Variants in HEATR5B observed in about 807,000 individuals in gnomAD.
The protein encoded by HEATR5B is HEAT repeat-containing protein 5B.
Under a neutral mutation model 224.1 loss-of-function variants are expected in HEATR5B, and 156 were observed. The ratio of observed to expected loss-of-function variants is 0.70; its 90% CI spans 0.61 to 0.80. The LOEUF is 0.80. HEATR5B is among the 30% of genes least tolerant of loss of function. The pLI is 0.00. For missense variants in HEATR5B, 2,323 were observed against 2,535.5 expected, an observed-to-expected ratio of 0.92 and a Z score of 1.80; for synonymous variants, 1,027 against 893.0, an observed-to-expected ratio of 1.15 and a Z score of -2.68.
At position 37,066,882 on chromosome 2, in the gene HEATR5B, T is replaced by C. The variant is rs1307902940; in HGVS notation, c.1178-972A>G. Among the ~76,000 whole-genome samples the C allele has an allele frequency of 4.0e-5, 6 of 151,544 alleles. No homozygotes were observed. In the East Asian group the frequency reaches 9.6e-4, roughly 24 times the overall value. Reference sequence around the variant, plus strand: ...AATTGAAGACTATAATTAAATTTTTTTTTTTGAGACAGAGTCTTGCTCTGT... The same window carrying C: ...AATTGAAGACTATAATTAAATTTTTCTTTTTGAGACAGAGTCTTGCTCTGT... On this transcript the variant is annotated intron_variant, in intron 8 of 35. Coordinates refer to ENST00000233099, the MANE Select transcript of HEATR5B (RefSeq NM_019024.3).
Position 37,049,679 on chromosome 2 carries a change from A to G in HEATR5B, c.2670T>C (p.Ala890=), listed in dbSNP as rs533368287. The G allele has an allele frequency of 6.2e-7, 1 of 1,613,980 alleles. No individual in the cohort carries two copies. Among genetic ancestry groups the G allele is most frequent in the East Asian group, 2.2e-5 (1 of 44,862 alleles). The change falls in exon 18 of 36, where the codon GCT becomes GCC. Residue 890 remains alanine, a synonymous_variant. Transcript: ENST00000233099. The part of the protein sequence containing the change: ...AQVVGEATFI[A]RMAQYSFDKL... ...TGTCAAAGCTATATTGGGCCATTCT[A>G]GCAATAAAAGTTGCTTCTCCAACCA...
At chr2:37,069,573 T>C (rs1671783955) in intron 7 of HEATR5B, among the ~76,000 whole-genome samples, 1 of 152,176 alleles carries the variant, frequency 6.6e-6, no homozygotes, top group Non-Finnish European at 1.5e-5. Context: ...TACAGGGTTG[T>C]TGGAGAATAT....
chr2:37,029,638 T>C (rs1668994917), intron 22 of HEATR5B, among the ~76,000 whole-genome samples: 3 of 151,592 alleles, frequency 2.0e-5, no homozygotes, highest in African/African-American at 7.3e-5. Flanking sequence ...CACTCCAGCC[T>C]GGACCACAAG....
At chr2:37,000,530 A>G in intron 33 of HEATR5B, 56 bp downstream of exon 33, 1 of 1,361,706 alleles carries the variant, frequency 7.3e-7, no homozygotes, top group South Asian at 1.2e-5. Flanking sequence ...CAACTAATTC[A>G]TTACTTAGGG....
At position 37,064,940 on chromosome 2, in the gene HEATR5B, G is replaced by A. The variant is rs1671501634; in HGVS notation, c.1384C>T (p.Arg462Ter). 1.9e-6 allele frequency: 3 copies of A among 1,613,986 alleles called. No individual in the cohort carries two copies. The highest frequency in any genetic ancestry group is 2.5e-6 in the Non-Finnish European group (3 of 1,179,938). Residue 462 changes from arginine to a stop codon, truncating the protein, a stop_gained, in exon 10 of 36, where the codon CGA becomes TGA. Coordinates refer to ENST00000233099, the MANE Select transcript of HEATR5B (RefSeq NM_019024.3). LOFTEE classifies it high-confidence loss of function. ...SVLLHPSMAA[R>*]LAAAWCLRCV... ...CGCAAACACCATGCAGCAGCAAGTC[G>A]GGCAGCCATGCTTGGATGAAGCAGC... is the stretch of plus-strand genomic sequence containing the variant.
intron 10 of HEATR5B, among the ~76,000 whole-genome samples, chr2:37,063,215 G>A (rs774353449): frequency 5.9e-5 from 9 of 152,060 alleles, no homozygotes; most frequent in South Asian, 2.1e-4. Flanking sequence ...CACTGTTCTC[G>A]GTACTTTGCT....
At chr2:37,011,054 T>C (rs1463426295) in intron 27 of HEATR5B, among the ~76,000 whole-genome samples, 1 of 152,250 alleles carries the variant, frequency 6.6e-6, no homozygotes, top group African/African-American at 2.4e-5. Context: ...AAAGATAATC[T>C]TTTTAATGCT....
In HEATR5B at chr2:37,056,147, T is replaced by C. The variant is rs141050492; in HGVS notation, c.2399+293A>G. On this transcript the variant is annotated intron_variant, in intron 16 of 35. Coordinates refer to ENST00000233099, the MANE Select transcript of HEATR5B (RefSeq NM_019024.3). Reference sequence around the variant, plus strand: ...ATGCATTTTTTTTTTTGCCAACAGTTGTCATTCTAGCATATATAATGAAAA... The same window carrying C: ...ATGCATTTTTTTTTTTGCCAACAGTCGTCATTCTAGCATATATAATGAAAA... 4.6e-3 allele frequency among the ~76,000 whole-genome samples: 696 copies of C among 152,250 alleles called. 3 individuals are homozygous for C. Among genetic ancestry groups the C allele is most frequent in the African/African-American group, 0.015 (630 of 41,554 alleles).
At chr2:37,078,121 G>C (rs1403754465) in intron 3 of HEATR5B, among the ~76,000 whole-genome samples, 1 of 152,202 alleles carries the variant, frequency 6.6e-6, no homozygotes, top group Non-Finnish European at 1.5e-5. Flanking sequence ...GTTGGATCTT[G>C]GAAGTGGGCA....
Position 37,083,437 on chromosome 2 carries a change from C to T in HEATR5B, c.-22-1G>A. The T allele has an allele frequency of 2.5e-6, 4 of 1,599,724 alleles. No individual in the cohort carries two copies. Among genetic ancestry groups the T allele is most frequent in the Non-Finnish European group, 3.4e-6 (4 of 1,169,682 alleles). On this transcript the variant is annotated splice_acceptor_variant, in intron 1 of 35. Coordinates refer to ENST00000233099, the MANE Select transcript of HEATR5B (RefSeq NM_019024.3). LOFTEE classifies it low-confidence loss of function (5UTR_SPLICE). The stretch of plus-strand genomic sequence containing the variant: ...CATTACGGAAGTTTGAAATTCACAC[C>T]TTAAATTTAACAGAGTAAAAAATAC...
chr2:37,068,926 T>C lies in HEATR5B; in HGVS notation c.932A>G (p.Tyr311Cys), dbSNP rs1423130814. The change falls in exon 8 of 36, where the codon TAT becomes TGT. Residue 311 changes from tyrosine (Y) to cysteine (C), a missense_variant. Transcript: ENST00000233099. ...REVRVGVTQA[Y>C]VVFVTTLGGQ... Reference sequence around the variant, plus strand: ...ACCCAATGTTGTCACAAAAACAACATACGCCTGTAAAAAGAGGAAGGTACG... The same window carrying C: ...ACCCAATGTTGTCACAAAAACAACACACGCCTGTAAAAAGAGGAAGGTACG... 3 of 1,610,454 alleles carry C rather than the reference T, an allele frequency of 1.9e-6. No individual in the cohort carries two copies. The highest frequency in any genetic ancestry group is 2.2e-5 in the East Asian group (1 of 44,770).
chr2:37,007,905 G>A (rs951091228), intron 28 of HEATR5B, among the ~76,000 whole-genome samples: 3 of 152,088 alleles, frequency 2.0e-5, no homozygotes, highest in African/African-American at 4.8e-5. Flanking sequence ...GTTGCCAGTG[G>A]CTCCTAAAAC....
chr2:37,068,113 AT>A (rs1358923209), intron 8 of HEATR5B, among the ~76,000 whole-genome samples: 5 of 152,182 alleles, frequency 3.3e-5, no homozygotes, highest in African/African-American at 1.2e-4. Flanking sequence ...ACTTTATCTC[AT>A]TCATTATTTA....
At chr2:36,992,331 A>T (rs1666386108) in intron 33 of HEATR5B, among the ~76,000 whole-genome samples, 1 of 152,228 alleles carries the variant, frequency 6.6e-6, no homozygotes, top group African/African-American at 2.4e-5. Flanking sequence ...CTGTAATCCC[A>T]GCACTTTGGG....
intron 21 of HEATR5B, among the ~76,000 whole-genome samples, chr2:37,033,654 T>C (rs1366447699): frequency 1.3e-5 from 2 of 152,162 alleles, no homozygotes; most frequent in African/African-American, 4.8e-5. Context: ...AAGTATAAGA[T>C]GCAACATGGC....
At position 37,038,920 on chromosome 2, in the gene HEATR5B, G is replaced by GGGGGGAA. The variant is rs58707175; in HGVS notation, c.3047-897_3047-896insTTCCCCC. Reference sequence around the variant, plus strand: ...GTCTCCCTGGGGTGGGGGGGGTGGGGAATCACATATTTTTCAATTTCTAGC... The same window carrying GGGGGGAA: ...GTCTCCCTGGGGTGGGGGGGGTGGGGGGGGGAAAATCACATATTTTTCAATTTCTAGC... On this transcript the variant is annotated intron_variant, in intron 20 of 35. Transcript: ENST00000233099. Among the ~76,000 whole-genome samples, 2 of 124,590 alleles carry GGGGGGAA rather than the reference G, an allele frequency of 1.6e-5. 1 individual carries two copies. Among genetic ancestry groups the GGGGGGAA allele is most frequent in the Non-Finnish European group, 3.4e-5 (2 of 58,538 alleles). The allele number at this position is 124,590 out of a possible 152,430, so 81.7% of individuals were successfully genotyped here. A position where few individuals can be genotyped will look rare whatever the true frequency, so the allele number is the denominator to read the frequency against.
intron 15 of HEATR5B, 130 bp downstream of exon 15, chr2:37,057,187 C>CT (rs1410776368): frequency 1.7e-6 from 1 of 598,252 alleles, no homozygotes; most frequent in East Asian, 3.4e-5. Flanking sequence ...AGGATGCCAT[C>CT]TTTAAGTGTC....
At chr2:37,067,814 G>C (rs2148579332) in intron 8 of HEATR5B, among the ~76,000 whole-genome samples, 1 of 152,050 alleles carries the variant, frequency 6.6e-6, no homozygotes, top group Non-Finnish European at 1.5e-5. Context: ...AGTTTACTAA[G>C]TAAGCCATTA....
intron 33 of HEATR5B, 23 bp from the exon 34 acceptor site, chr2:36,990,822 G>C: frequency 6.5e-7 from 1 of 1,533,750 alleles, no homozygotes; most frequent in South Asian, 1.2e-5. Context: ...AATGAAAGAA[G>C]TGTGCTGTTT....
Sources: allele counts gnomAD v4.1 joint callset (sites outside exome capture counted in the v4.1 genomes callset), GRCh38; gene constraint gnomAD v4.1.1; transcripts MANE v1.5; gene names NCBI Gene and HGNC (gene_info 2026-07-23, HGNC 2026-07-21).